CYB5R3: variants seen among roughly 807,000 people sequenced by gnomAD.
The protein encoded by CYB5R3 is NADH-cytochrome b5 reductase 3.
In CYB5R3, 28 loss-of-function variants were observed where a neutral mutation model predicts 36.5. The ratio of observed to expected loss-of-function variants is 0.77; its 90% confidence interval spans 0.57 to 1.05. The LOEUF is 1.05. Among genes scored for constraint, CYB5R3 ranks in the 50% least tolerant of loss-of-function variants. The probability of loss-of-function intolerance (pLI) is 0.00; values close to 1 mark genes in which losing one functional copy is unlikely to be tolerated. For missense variants in CYB5R3, 474 were observed against 408.9 expected, an observed-to-expected ratio of 1.16 and a Z score of -1.37; for synonymous variants, 181 against 159.8, an observed-to-expected ratio of 1.13 and a Z score of -1.00.
chr22:42,627,711 G>T, intron 5 of CYB5R3, 23 bp from the exon 6 acceptor site: 2 of 1,565,630 alleles, frequency 1.3e-6, no homozygotes, highest in Non-Finnish European at 1.8e-6. Context: ...AAGGGGTGAG[G>T]CCCGGCCATC....
At chr22:42,636,544 T>C (rs971384302) in intron 2 of CYB5R3, among the ~76,000 whole-genome samples, 171 bp downstream of exon 2, 2 of 152,194 alleles carry the variant, frequency 1.3e-5, no homozygotes, top group African/African-American at 4.8e-5. Flanking sequence ...AGGGTTTAAA[T>C]TCCTCTGCTA....
chr22:42,629,198 G>A (rs1222286938), intron 4 of CYB5R3, among the ~76,000 whole-genome samples: 1 of 152,126 alleles, frequency 6.6e-6, no homozygotes, highest in African/African-American at 2.4e-5. Context: ...CTGTGCTTCT[G>A]GACAAAGCCC....
intron 8 of CYB5R3, among the ~76,000 whole-genome samples, chr22:42,620,211 G>A (rs961994936): frequency 4.6e-5 from 7 of 152,128 alleles, no homozygotes; most frequent in East Asian, 1.9e-4. Flanking sequence ...TTTGGCCTCC[G>A]GGGTGTCCCT....
chr22:42,638,031 T>G (rs569531464), intron 1 of CYB5R3, among the ~76,000 whole-genome samples: 1 of 152,140 alleles, frequency 6.6e-6, no homozygotes, highest in Non-Finnish European at 1.5e-5. Context: ...GGTGAACAGT[T>G]TGAGTCCACG....
chr22:42,628,019 A>T, intron 5 of CYB5R3, 133 bp downstream of exon 5: 1 of 1,313,186 alleles, frequency 7.6e-7, no homozygotes, highest in Non-Finnish European at 1.1e-6. Flanking sequence ...CTCAGTTCCC[A>T]GAGAGGGACA....
At chr22:42,636,676 T>C (rs761736093) in intron 2 of CYB5R3, 39 bp downstream of exon 2, 4 of 1,604,018 alleles carry the variant, frequency 2.5e-6, no homozygotes, top group Admixed American at 1.7e-5. Context: ...TGGGCAATGC[T>C]GTGATGCTGA....
intron 6 of CYB5R3, 27 bp from the exon 7 acceptor site, chr22:42,627,416 A>G: frequency 6.2e-7 from 1 of 1,607,508 alleles, no homozygotes; most frequent in East Asian, 2.2e-5. Context: ...CGGGCCTCGC[A>G]CGTGCTGAGC....
intron 1 of CYB5R3, among the ~76,000 whole-genome samples, chr22:42,638,349 T>C (rs1929011212): frequency 7.9e-6 from 1 of 127,292 alleles, no homozygotes; most frequent in African/African-American, 3.1e-5. Flanking sequence ...TGAGCCAAGA[T>C]CATGCCATTG....
At chr22:42,631,488 G>A (rs1450812309) in intron 2 of CYB5R3, 38 bp from the exon 3 acceptor site, 4 of 1,543,530 alleles carry the variant, frequency 2.6e-6, no homozygotes, top group East Asian at 4.9e-5. Context: ...GGTCCCCAGG[G>A]CAGAGGCCTC....
At chr22:42,634,786 C>G (rs1261907458) in intron 2 of CYB5R3, among the ~76,000 whole-genome samples, 1 of 106,096 alleles carries the variant, frequency 9.4e-6, no homozygotes, top group African/African-American at 4.0e-5. Context: ...CCACCACGCC[C>G]GGCTAATTTT....
chr22:42,639,057 C>T (rs889203094), intron 1 of CYB5R3: 7 of 424,462 alleles, frequency 1.6e-5, no homozygotes, highest in Non-Finnish European at 2.8e-5. Flanking sequence ...AGGCCAGGCG[C>T]TGTAGCTCAC....
chr22:42,621,691 C>CT (rs1215935806), intron 8 of CYB5R3, among the ~76,000 whole-genome samples: 1 of 152,254 alleles, frequency 6.6e-6, no homozygotes, highest in Non-Finnish European at 1.5e-5. Context: ...GTGCTGCTGC[C>CT]TGTTGCCACC....
chr22:42,630,656 A>C (rs1010301511), intron 4 of CYB5R3, among the ~76,000 whole-genome samples: 3 of 152,202 alleles, frequency 2.0e-5, no homozygotes, highest in Non-Finnish European at 4.4e-5. Context: ...AACCAGGCAC[A>C]AGGGAGCACT....
At chr22:42,624,171 G>A (rs1022131564) in intron 7 of CYB5R3, among the ~76,000 whole-genome samples, 16 of 152,200 alleles carry the variant, frequency 1.1e-4, no homozygotes, top group Non-Finnish European at 2.2e-4. Flanking sequence ...CCCGAGAGTG[G>A]GAAAAATGGA....
At chr22:42,639,281 G>C (rs142301218) in intron 1 of CYB5R3, among the ~76,000 whole-genome samples, 4,688 of 149,594 alleles carry the variant, frequency 0.031, 262 homozygotes, top group African/African-American at 0.11. Flanking sequence ...CTGAGATCGT[G>C]CCACTGCACT....
chr22:42,628,062 A>G, intron 5 of CYB5R3, 90 bp downstream of exon 5: 1 of 1,565,368 alleles, frequency 6.4e-7, no homozygotes, highest in Non-Finnish European at 8.8e-7. Context: ...ATCCACACAG[A>G]GCCAGGGGCC....
intron 5 of CYB5R3, 42 bp downstream of exon 5, chr22:42,628,110 T>G (rs1305591179): frequency 4.3e-6 from 7 of 1,612,534 alleles, no homozygotes; most frequent in Non-Finnish European, 5.9e-6. Flanking sequence ...TCTCCAATTC[T>G]CTGAGCCTGC....
chr22:42,628,846 T>C (rs1299587421), intron 4 of CYB5R3, among the ~76,000 whole-genome samples: 1 of 151,778 alleles, frequency 6.6e-6, no homozygotes, highest in Non-Finnish European at 1.5e-5. Context: ...GTCTGATGGA[T>C]GGAGAAGGGG....
Position 42,631,597 on chromosome 22 carries a change from C to T in CYB5R3, c.154-147G>A, listed in dbSNP as rs764029517. 5.7e-5 allele frequency: 42 copies of T among 742,136 alleles called. 1 individual carries two copies. The highest frequency in any genetic ancestry group is 4.8e-4 in the East Asian group (18 of 37,350). 46.0% of individuals were successfully genotyped at this position (742,136 alleles called of 1,614,324 possible). On this transcript the variant is annotated intron_variant, in intron 2 of 8. Coordinates refer to ENST00000352397, the MANE Select transcript of CYB5R3 (RefSeq NM_000398.7). ...TTGTCCTTGTAAGACGTGACGCCGACGCCAAGCACAGATGCACACACATGC... is the reference window on the plus strand; with the variant it reads ...TTGTCCTTGTAAGACGTGACGCCGATGCCAAGCACAGATGCACACACATGC...
Sources: allele counts gnomAD v4.1 joint callset (sites outside exome capture counted in the v4.1 genomes callset), GRCh38; gene constraint gnomAD v4.1.1; transcripts MANE v1.5; gene names NCBI Gene and HGNC (gene_info 2026-07-23, HGNC 2026-07-21).